The following GLRA3 variants were observed in gnomAD, a reference collection of about 807,000 sequenced individuals.
The protein encoded by GLRA3 is glycine receptor alpha 3.
In GLRA3, 44 loss-of-function variants were observed where a neutral mutation model predicts 60.4. That is an observed-to-expected ratio of 0.73 (90% CI 0.57 to 0.94). The LOEUF (loss-of-function observed/expected upper bound fraction) is 0.94. Among genes scored for constraint, GLRA3 ranks in the 40% least tolerant of loss-of-function variants. The pLI is 0.00. For synonymous variants in GLRA3, 223 were observed against 192.9 expected (o/e 1.16, Z -1.29); for missense variants, 508 against 564.6 (o/e 0.90, Z 1.02).
intron 1 of GLRA3, among the ~76,000 whole-genome samples, chr4:174,790,847 G>A (rs373557726): frequency 0.14 from 13,793 of 96,740 alleles, 1,131 homozygotes; most frequent in East Asian, 0.42. Context: ...AAAAAAAAAA[G>A]AAAGAAATTA....
chr4:174,744,273 G>A (rs6840689), intron 3 of GLRA3, among the ~76,000 whole-genome samples: 1 of 152,150 alleles, frequency 6.6e-6, no homozygotes, highest in African/African-American at 2.4e-5. Flanking sequence ...ACCTAAGAAC[G>A]CAATCACCTA....
intron 9 of GLRA3, among the ~76,000 whole-genome samples, chr4:174,650,120 C>T (rs1405206863): frequency 1.3e-5 from 2 of 152,164 alleles, no homozygotes; most frequent in African/African-American, 2.4e-5. Context: ...AGTCCACTTA[C>T]AAGGCATAAC....
At position 174,647,722 on chromosome 4, in the gene GLRA3, G is replaced by GA. The variant is rs200219894; in HGVS notation, c.1117-3659dup. Among the ~76,000 whole-genome samples the GA allele has an allele frequency of 2.6e-3, 388 of 148,762 alleles. 2 individuals carry two copies. The highest frequency in any genetic ancestry group is 8.3e-3 in the African/African-American group (336 of 40,662). On this transcript the variant is annotated intron_variant, in intron 9 of 9. Coordinates refer to ENST00000274093, the MANE Select transcript of GLRA3 (RefSeq NM_006529.4). ...CAACAGGTCAAAATAACTTCAGTTT[G>GA]AAAAAAAAAATAACTCAGTATGTTC...
intron 1 of GLRA3, among the ~76,000 whole-genome samples, chr4:174,791,497 C>T (rs1272782050): frequency 6.6e-6 from 1 of 152,166 alleles, no homozygotes; most frequent in East Asian, 1.9e-4. Context: ...TTGAATTTTT[C>T]ATGTCTGTCA....
chr4:174,712,170 C>T (rs1308443421), intron 5 of GLRA3, among the ~76,000 whole-genome samples: 5 of 151,986 alleles, frequency 3.3e-5, no homozygotes, highest in Admixed American at 1.3e-4. Flanking sequence ...CATAAATGTA[C>T]ACTTTTGAGG....
At chr4:174,738,469 G>A (rs1200587560) in intron 3 of GLRA3, among the ~76,000 whole-genome samples, 1 of 152,122 alleles carries the variant, frequency 6.6e-6, no homozygotes, top group Non-Finnish European at 1.5e-5. Flanking sequence ...AAATTTTGGT[G>A]TGTTCTTGCA....
At chr4:174,788,590 T>TAAAAAAAA (rs35640897) in intron 2 of GLRA3, among the ~76,000 whole-genome samples, 204 of 87,432 alleles carry the variant, frequency 2.3e-3, no homozygotes, top group East Asian at 3.9e-3. Flanking sequence ...GTTAGAGAAG[T>TAAAAAAAA]AAAAAAAAAA....
At chr4:174,807,751 G>A (rs1226723250) in intron 1 of GLRA3, among the ~76,000 whole-genome samples, 2 of 151,938 alleles carry the variant, frequency 1.3e-5, no homozygotes, top group African/African-American at 2.4e-5. Flanking sequence ...GAAAATTCTG[G>A]GTGAGCATTA....
chr4:174,743,956 T>C (rs969772458), intron 3 of GLRA3, among the ~76,000 whole-genome samples: 1 of 152,136 alleles, frequency 6.6e-6, no homozygotes, highest in Admixed American at 6.5e-5. Flanking sequence ...CTGCTGCCAT[T>C]GTAGGCTGGG....
intron 9 of GLRA3, among the ~76,000 whole-genome samples, chr4:174,656,222 A>G (rs1733198348): frequency 6.6e-6 from 1 of 152,124 alleles, no homozygotes; most frequent in Non-Finnish European, 1.5e-5. Flanking sequence ...GGATGCTGCT[A>G]TCAAAACTAA....
rs2110954440 is a variant in GLRA3 at position 174,677,191 on chromosome 4, A to G, written c.814T>C (p.Trp272Arg). Reference protein sequence around the residue: ...IPSLLIVILSWVSFWINMDAA... With the variant: ...IPSLLIVILSRVSFWINMDAA... The stretch of plus-strand genomic sequence containing the variant: ...TCCATGTTGATCCAGAATGAAACCC[A>G]GGATAGAATAACAATCAGGAGACTG... Residue 272 changes from tryptophan (W) to arginine (R), a missense_variant, in exon 7 of 10, where the codon TGG becomes CGG. By Grantham distance (101) the Trp-to-Arg change is moderately radical. Coordinates refer to ENST00000274093, the MANE Select transcript of GLRA3 (RefSeq NM_006529.4). 2 of 1,611,498 alleles carry G rather than the reference A, an allele frequency of 1.2e-6. No individual in the cohort carries two copies. The highest frequency in any genetic ancestry group is 1.7e-6 in the Non-Finnish European group (2 of 1,177,652).
At chr4:174,795,946 C>T (rs923563734) in intron 1 of GLRA3, among the ~76,000 whole-genome samples, 2 of 152,092 alleles carry the variant, frequency 1.3e-5, no homozygotes, top group Non-Finnish European at 2.9e-5. Flanking sequence ...CAGATTGATG[C>T]CTATAAAATG....
At chr4:174,696,758 T>C (rs893314129) in intron 5 of GLRA3, among the ~76,000 whole-genome samples, 1 of 152,050 alleles carries the variant, frequency 6.6e-6, no homozygotes, top group Admixed American at 6.6e-5. Context: ...TTTATAATCA[T>C]TCATATAGTA....
At chr4:174,671,684 C>G (rs1733914740) in intron 7 of GLRA3, among the ~76,000 whole-genome samples, 1 of 152,258 alleles carries the variant, frequency 6.6e-6, no homozygotes, top group Non-Finnish European at 1.5e-5. Context: ...GAGTCTCATT[C>G]TGTCACCCAG....
chr4:174,677,545 A>C (rs915532128), intron 6 of GLRA3, among the ~76,000 whole-genome samples: 1 of 146,546 alleles, frequency 6.8e-6, no homozygotes, highest in African/African-American at 2.5e-5. Flanking sequence ...TTTTTTGTAG[A>C]GATGTGGTTT....
Position 174,666,761 on chromosome 4 carries a change from A to AT in GLRA3, c.928-7565dup, listed in dbSNP as rs1356270254. ...AAGAATATATATATATATATATATT[A>AT]TATATATATATATATATATAATTGG... On this transcript the variant is annotated intron_variant, in intron 7 of 9. Transcript: ENST00000274093. Among the ~76,000 whole-genome samples the AT allele has an allele frequency of 5.2e-3, 378 of 72,304 alleles. 1 individual carries two copies. Among genetic ancestry groups the AT allele is most frequent in the Middle Eastern group, 0.013 (2 of 156 alleles). The allele number at this position is 72,304 out of a possible 152,430, so 47.4% of individuals were successfully genotyped here. A position where few individuals can be genotyped will look rare whatever the true frequency, so the allele number is the denominator to read the frequency against.
rs375320957 is a variant in GLRA3 at position 174,677,120 on chromosome 4, C to T, written c.885G>A (p.Thr295=). The change falls in exon 7 of 10, where the codon ACG becomes ACA. Residue 295 remains threonine, a synonymous_variant. Coordinates refer to ENST00000274093, the MANE Select transcript of GLRA3 (RefSeq NM_006529.4). ...RVALGITTVL[T]MTTQSSGSRA... ...GTGATCCTGAACTCTGTGTAGTCAT[C>T]GTTAGCACAGTGGTTATCCCCAGAG... 34 of 1,613,178 alleles carry T rather than the reference C, an allele frequency of 2.1e-5. 2 individuals are homozygous for T. In the South Asian group the frequency reaches 3.2e-4, roughly 15 times the overall value.
In GLRA3 at chr4:174,637,882, T is replaced by C. The variant is rs948888423; in HGVS notation, c.*5904A>G. On this transcript the variant is annotated 3_prime_UTR_variant, in exon 10 of 10. Transcript: ENST00000274093. ...TTTCATCAATTTCTATTTATCTATG[T>C]AGATAATTAATTTTATATTTCATTA... The C allele has an allele frequency of 6.6e-6, 1 of 152,188 alleles. No individual in the cohort carries two copies. The highest frequency in any genetic ancestry group is 2.4e-5 in the African/African-American group (1 of 41,458). 9.4% of individuals were successfully genotyped at this position (152,188 alleles called of 1,614,324 possible). A position where few individuals can be genotyped will look rare whatever the true frequency, so the allele number is the denominator to read the frequency against.
At chr4:174,756,469 TTAA>T (rs1317463893) in intron 3 of GLRA3, among the ~76,000 whole-genome samples, 2 of 152,010 alleles carry the variant, frequency 1.3e-5, no homozygotes, top group Admixed American at 1.3e-4. Context: ...ATCAATATAA[TTAA>T]TAATATTAAC....
Sources: allele counts gnomAD v4.1 joint callset (sites outside exome capture counted in the v4.1 genomes callset), GRCh38; gene constraint gnomAD v4.1.1; transcripts MANE v1.5; gene names NCBI Gene and HGNC (gene_info 2026-07-23, HGNC 2026-07-21).